Variants in SYNPR observed in about 807,000 individuals in gnomAD.
SYNPR encodes the protein synaptoporin.
Under a neutral mutation model 32.9 loss-of-function variants are expected in SYNPR, and 23 were observed. The ratio of observed to expected loss-of-function variants is 0.70; its 90% confidence interval spans 0.50 to 0.99. The LOEUF (loss-of-function observed/expected upper bound fraction) is 0.99. Among genes scored for constraint, SYNPR ranks in the 50% least tolerant of loss-of-function variants. The pLI is 0.00. For synonymous variants in SYNPR, 146 were observed against 135.9 expected (o/e 1.07, Z -0.52); for missense variants, 318 against 349.3 (o/e 0.91, Z 0.71).
At chr3:63,396,279 G>A (rs777441879) in intron 2 of SYNPR, among the ~76,000 whole-genome samples, 11 of 152,104 alleles carry the variant, frequency 7.2e-5, no homozygotes, top group Non-Finnish European at 1.3e-4. Context: ...TTGCTTCTTG[G>A]AAAAGCTATT....
At chr3:63,336,928 C>A (rs1291133942) in intron 2 of SYNPR, among the ~76,000 whole-genome samples, 1 of 151,846 alleles carries the variant, frequency 6.6e-6, no homozygotes, top group East Asian at 1.9e-4. Flanking sequence ...CACCTAGAGC[C>A]AAAGAAGATA....
At chr3:63,556,818 T>C (rs1702603262) in intron 4 of SYNPR, 77 bp downstream of exon 4, 1 of 1,365,336 alleles carries the variant, frequency 7.3e-7, no homozygotes, top group Non-Finnish European at 9.8e-7. Context: ...GACTTTGGAG[T>C]TACCTGAGCC....
chr3:63,491,832 G>T (rs1274552128), intron 3 of SYNPR, among the ~76,000 whole-genome samples: 1 of 152,108 alleles, frequency 6.6e-6, no homozygotes, highest in Non-Finnish European at 1.5e-5. Context: ...AAATGTGTAT[G>T]ATTTAAATGC....
chr3:63,407,569 C>T (rs1279005231), intron 2 of SYNPR, among the ~76,000 whole-genome samples: 1 of 152,098 alleles, frequency 6.6e-6, no homozygotes, highest in Non-Finnish European at 1.5e-5. Flanking sequence ...CTCAATATGT[C>T]TTAGCTGTTA....
At chr3:63,412,409 C>A (rs145695538) in intron 2 of SYNPR, among the ~76,000 whole-genome samples, 1 of 152,152 alleles carries the variant, frequency 6.6e-6, no homozygotes, top group East Asian at 1.9e-4. Flanking sequence ...GAACATTCAT[C>A]TATTTATTCC....
intron 2 of SYNPR, among the ~76,000 whole-genome samples, chr3:63,318,096 G>A (rs2087062129): frequency 6.6e-6 from 1 of 152,036 alleles, no homozygotes; most frequent in Admixed American, 6.6e-5. Context: ...ATTCTTTCTA[G>A]CTTGTAGAGT....
intron 3 of SYNPR, among the ~76,000 whole-genome samples, chr3:63,544,348 C>T (rs766056914): frequency 1.3e-4 from 20 of 151,950 alleles, no homozygotes; most frequent in Non-Finnish European, 2.9e-5. Flanking sequence ...TAGACATTTT[C>T]TCAAAAAGGA....
chr3:63,484,040 A>G (rs999710353), intron 3 of SYNPR, among the ~76,000 whole-genome samples: 16 of 152,190 alleles, frequency 1.1e-4, no homozygotes, highest in Admixed American at 3.3e-4. Context: ...TATCAGACAC[A>G]TATTTTAGGA....
chr3:63,447,435 A>G (rs553937445), intron 2 of SYNPR, among the ~76,000 whole-genome samples: 5 of 152,312 alleles, frequency 3.3e-5, no homozygotes, highest in East Asian at 1.9e-4. Context: ...AAAATTATCT[A>G]TTAAGTATGG....
At chr3:63,561,160 T>G (rs1316255063) in intron 4 of SYNPR, among the ~76,000 whole-genome samples, 1 of 152,194 alleles carries the variant, frequency 6.6e-6, no homozygotes, top group East Asian at 1.9e-4. Flanking sequence ...TTCATCTCAA[T>G]TTATAGTCCT....
intron 2 of SYNPR, among the ~76,000 whole-genome samples, chr3:63,287,949 A>G (rs2086701595): frequency 6.6e-6 from 1 of 152,204 alleles, no homozygotes; most frequent in South Asian, 2.1e-4. Flanking sequence ...GTTCACGTCA[A>G]TGAGCAGCAA....
At chr3:63,317,852 G>A (rs191927554) in intron 2 of SYNPR, among the ~76,000 whole-genome samples, 3 of 152,004 alleles carry the variant, frequency 2.0e-5, no homozygotes, top group Non-Finnish European at 4.4e-5. Flanking sequence ...TACAAGTCCT[G>A]TGTGATTTAT....
intron 3 of SYNPR, among the ~76,000 whole-genome samples, chr3:63,530,406 C>T (rs1559527666): frequency 6.6e-6 from 1 of 152,042 alleles, no homozygotes; most frequent in Non-Finnish European, 1.5e-5. Context: ...TAGGAGCACT[C>T]CCTAAAGTCT....
intron 4 of SYNPR, among the ~76,000 whole-genome samples, chr3:63,564,887 G>T (rs922341223): frequency 7.2e-5 from 11 of 152,188 alleles, no homozygotes; most frequent in Non-Finnish European, 2.9e-5. Context: ...ACTGCTTAAA[G>T]AATTCATGCT....
chr3:63,372,018 C>T (rs902079876), intron 2 of SYNPR, among the ~76,000 whole-genome samples: 9 of 152,110 alleles, frequency 5.9e-5, no homozygotes, highest in Admixed American at 1.3e-4. Flanking sequence ...ACTGAGCCCC[C>T]GGCTTGGGAC....
At chr3:63,219,195 A>G in the SYNPR span, among the ~76,000 whole-genome samples, 96 of 152,208 alleles carry the variant, frequency 6.3e-4, 1 homozygote, top group Non-Finnish European at 4.3e-4. Flanking sequence ...AAACCTGAGT[A>G]GTGGGATGGA....
intron 2 of SYNPR, among the ~76,000 whole-genome samples, chr3:63,363,785 C>T (rs1041680820): frequency 3.9e-5 from 6 of 152,010 alleles, no homozygotes; most frequent in African/African-American, 1.2e-4. Flanking sequence ...AGAACACAAC[C>T]CTAGAATGTT....
chr3:63,275,458 C>T (rs1257320355), upstream of SYNPR, among the ~76,000 whole-genome samples: 1 of 152,186 alleles, frequency 6.6e-6, no homozygotes, highest in Admixed American at 6.5e-5. Context: ...ATTCTGACTT[C>T]CTTCACATGG....
At chr3:63,414,994 A>C (rs1405273560) in intron 2 of SYNPR, among the ~76,000 whole-genome samples, 3 of 152,222 alleles carry the variant, frequency 2.0e-5, no homozygotes, top group African/African-American at 7.2e-5. Context: ...GCCCACTGTT[A>C]AATTTTCAAG....
Sources: allele counts gnomAD v4.1 joint callset (sites outside exome capture counted in the v4.1 genomes callset), GRCh38; gene constraint gnomAD v4.1.1; transcripts MANE v1.5; gene names NCBI Gene and HGNC (gene_info 2026-07-23, HGNC 2026-07-21).